ANO2: variants seen among roughly 807,000 people sequenced by gnomAD.
ANO2 encodes anoctamin 2.
A neutral mutation model predicts 124.2 loss-of-function variants in ANO2; 101 were observed. The observed-to-expected ratio is 0.81, with a 90% CI of 0.69 to 0.96. The LOEUF (loss-of-function observed/expected upper bound fraction) is 0.96. Among genes scored for constraint, ANO2 ranks in the 40% least tolerant of loss-of-function variants. ANO2 has a pLI of 0.00. For synonymous variants in ANO2, 486 were observed against 482.5 expected, an observed-to-expected ratio of 1.01 and a Z score of -0.09; for missense variants, 1,293 against 1,274.5, an observed-to-expected ratio of 1.01 and a Z score of -0.22.
chr12:5,875,488 C>T (rs1938031630), intron 3 of ANO2, among the ~76,000 whole-genome samples: 1 of 152,238 alleles, frequency 6.6e-6, no homozygotes. Flanking sequence ...TCCATCTCCT[C>T]CCACACTAAC....
chr12:5,850,271 C>T (rs1015819282), intron 4 of ANO2, among the ~76,000 whole-genome samples: 2 of 151,936 alleles, frequency 1.3e-5, no homozygotes, highest in Non-Finnish European at 2.9e-5. Context: ...CAAAAAATAG[C>T]CGGGCGTGGT....
At chr12:5,899,843 T>C (rs1940061880) in intron 3 of ANO2, among the ~76,000 whole-genome samples, 2 of 152,292 alleles carry the variant, frequency 1.3e-5, no homozygotes, top group South Asian at 2.1e-4. Context: ...CGTTTCTACA[T>C]GGTTTGGGTG....
At chr12:5,790,734 G>C (rs1431985919) in intron 10 of ANO2, among the ~76,000 whole-genome samples, 1 of 152,108 alleles carries the variant, frequency 6.6e-6, no homozygotes, top group Non-Finnish European at 1.5e-5. Flanking sequence ...GTTTTCTTTT[G>C]TGAGGACCTT....
chr12:5,639,429 G>A (rs1239890207), intron 15 of ANO2, among the ~76,000 whole-genome samples: 1 of 152,156 alleles, frequency 6.6e-6, no homozygotes, highest in Non-Finnish European at 1.5e-5. Context: ...CTCACAGAGT[G>A]GATCTTCTAG....
At chr12:5,766,621 A>G (rs1320726838) in intron 10 of ANO2, among the ~76,000 whole-genome samples, 1 of 152,192 alleles carries the variant, frequency 6.6e-6, no homozygotes, top group African/African-American at 2.4e-5. Flanking sequence ...TATTGGTTGC[A>G]TGGAAGATGC....
At chr12:5,639,445 A>G (rs1301794891) in intron 15 of ANO2, among the ~76,000 whole-genome samples, 2 of 152,202 alleles carry the variant, frequency 1.3e-5, no homozygotes, top group African/African-American at 2.4e-5. Context: ...TCTAGTGGGA[A>G]AACATAGACA....
intron 3 of ANO2, among the ~76,000 whole-genome samples, chr12:5,891,498 G>GCCCT (rs1939399061): frequency 6.6e-6 from 1 of 152,094 alleles, no homozygotes; most frequent in Admixed American, 6.5e-5. Context: ...TGGCAAAGAG[G>GCCCT]GTCTCAGGGG....
intron 13 of ANO2, among the ~76,000 whole-genome samples, chr12:5,735,328 C>T (rs1950814073): frequency 6.6e-6 from 1 of 152,106 alleles, no homozygotes; most frequent in South Asian, 2.1e-4. Flanking sequence ...CAGGAGCCAG[C>T]TGGGAGGAAG....
intron 3 of ANO2, among the ~76,000 whole-genome samples, chr12:5,897,737 CAA>C (rs59719568): frequency 0.27 from 36,370 of 132,330 alleles, 4,714 homozygotes; most frequent in African/African-American, 0.36. Flanking sequence ...ACATACAGAC[CAA>C]AAAAAAAAAA....
intron 24 of ANO2, among the ~76,000 whole-genome samples, chr12:5,564,104 G>A (rs1016276694): frequency 6.6e-6 from 1 of 152,008 alleles, no homozygotes. Context: ...CCTTGACTTC[G>A]GGCCTTCACT....
intron 4 of ANO2, chr12:5,839,551 C>T (rs1473606747): frequency 8.8e-6 from 4 of 455,772 alleles, no homozygotes; most frequent in African/African-American, 8.0e-5. Context: ...TGGCTCTGAA[C>T]ATTTAATGAA....
chr12:5,832,615 A>G lies in ANO2; in HGVS notation c.634-12T>C, dbSNP rs1312864805. The G allele has an allele frequency of 8.7e-6, 14 of 1,607,782 alleles. No homozygotes were observed. The highest frequency in any genetic ancestry group is 1.2e-5 in the Non-Finnish European group (14 of 1,177,022). On this transcript the variant is annotated splice_polypyrimidine_tract_variant and intron_variant, in intron 4 of 24. Transcript: ENST00000682330. ...TTGATCTCGTACATCTATGAAAGGA[A>G]GAGCCACAGGTCTGAAAAGGGGGCC...
At chr12:5,689,982 G>A (rs1948862987) in intron 14 of ANO2, among the ~76,000 whole-genome samples, 1 of 152,212 alleles carries the variant, frequency 6.6e-6, no homozygotes, top group Admixed American at 6.5e-5. Context: ...CAGTGTGAGA[G>A]CAGCAGTGAC....
chr12:5,637,584 C>T (rs1243266398), intron 15 of ANO2, among the ~76,000 whole-genome samples: 1 of 152,126 alleles, frequency 6.6e-6, no homozygotes, highest in Admixed American at 6.5e-5. Context: ...CAGCTGGAAG[C>T]TTGATTGAAA....
chr12:5,699,093 G>A (rs1306657094), intron 14 of ANO2, among the ~76,000 whole-genome samples: 1 of 152,104 alleles, frequency 6.6e-6, no homozygotes, highest in Non-Finnish European at 1.5e-5. Context: ...TACAGAGAAT[G>A]CCACAAAGGT....
chr12:5,747,857 A>G (rs1951315723), intron 11 of ANO2, among the ~76,000 whole-genome samples: 3 of 152,264 alleles, frequency 2.0e-5, no homozygotes, highest in Non-Finnish European at 4.4e-5. Context: ...CCACAGTTGT[A>G]GAACACCATC....
rs80233022 is a variant in ANO2, at chr12:5,563,089, A to C, written c.*210T>G. 4,626 of 728,682 alleles carry C rather than the reference A, an allele frequency of 6.3e-3. 153 individuals are homozygous for C. The African/African-American group carries it at 0.074, about 12-fold the overall frequency. 45.1% of individuals were successfully genotyped at this position (728,682 alleles called of 1,614,324 possible). ...TTAAAAGGGGACCTAAAAGAAACTT[A>C]AGCTTGAAGTTTCTGAGATGTAGCA... On this transcript the variant is annotated 3_prime_UTR_variant, in exon 25 of 25. Transcript: ENST00000682330.
intron 19 of ANO2, 135 bp downstream of exon 19, chr12:5,612,521 T>C (rs779024384): frequency 2.8e-6 from 2 of 726,722 alleles, no homozygotes; most frequent in East Asian, 2.7e-5. Context: ...GGGAAAGTTA[T>C]TGGCAAATTG....
intron 16 of ANO2, among the ~76,000 whole-genome samples, chr12:5,633,930 G>A (rs1945867106): frequency 6.6e-6 from 1 of 152,024 alleles, no homozygotes; most frequent in Non-Finnish European, 1.5e-5. Flanking sequence ...CTATATGCAT[G>A]CCTGTCTGAC....
Sources: allele counts gnomAD v4.1 joint callset (sites outside exome capture counted in the v4.1 genomes callset), GRCh38; gene constraint gnomAD v4.1.1; transcripts MANE v1.5; gene names NCBI Gene and HGNC (gene_info 2026-07-23, HGNC 2026-07-21).